The following KCNQ5 variants were observed in gnomAD, a reference collection of about 807,000 sequenced individuals.
KCNQ5 encodes potassium voltage-gated channel subfamily KQT member 5.
A neutral mutation model predicts 98.2 loss-of-function variants in KCNQ5; 30 were observed. That is an observed-to-expected ratio of 0.31 (90% CI 0.23 to 0.41). KCNQ5 has a LOEUF of 0.41. KCNQ5 is among the 10% of genes least tolerant of loss of function. The pLI is 1.00. For synonymous variants in KCNQ5, 458 were observed against 449.4 expected (o/e 1.02, Z -0.24); for missense variants, 835 against 1,182.5 (o/e 0.71, Z 4.31).
Position 73,197,776 on chromosome 6 carries a change from C to A in KCNQ5, c.*2362C>A, listed in dbSNP as rs1261268223. On this transcript the variant is annotated 3_prime_UTR_variant, in exon 14 of 14. Coordinates refer to ENST00000370398, the MANE Select transcript of KCNQ5 (RefSeq NM_019842.4). ...GGACATACTCTGTCCTGGGTCAAAC[C>A]CCACTGGCAGCAGGAATTCTGAATG... 1 of 152,188 alleles carries A rather than the reference C, an allele frequency of 6.6e-6. No homozygotes were observed. Among genetic ancestry groups the A allele is most frequent in the Non-Finnish European group, 1.5e-5 (1 of 68,088 alleles). The allele number at this position is 152,188 out of a possible 1,614,324, so 9.4% of individuals were successfully genotyped here.
intron 10 of KCNQ5, among the ~76,000 whole-genome samples, chr6:73,142,239 G>A (rs1776750063): frequency 6.6e-6 from 1 of 151,928 alleles, no homozygotes; most frequent in South Asian, 2.1e-4. Context: ...TACAGTGTAG[G>A]CAGGGACTAT....
chr6:72,913,837 G>A (rs1390630231), intron 1 of KCNQ5, among the ~76,000 whole-genome samples: 1 of 152,184 alleles, frequency 6.6e-6, no homozygotes, highest in Non-Finnish European at 1.5e-5. Flanking sequence ...GTAAAGTTGT[G>A]TATTTTTATG....
At chr6:72,981,103 A>G (rs1161778756) in intron 1 of KCNQ5, among the ~76,000 whole-genome samples, 1 of 152,034 alleles carries the variant, frequency 6.6e-6, no homozygotes, top group East Asian at 1.9e-4. Context: ...TCCTCGGGAT[A>G]TTGGTCTAAA....
chr6:72,888,185 G>A (rs1159889321), intron 1 of KCNQ5, among the ~76,000 whole-genome samples: 5 of 152,162 alleles, frequency 3.3e-5, no homozygotes, highest in African/African-American at 1.2e-4. Context: ...GATCCCGTCT[G>A]CTAAGAAGTA....
intron 1 of KCNQ5, among the ~76,000 whole-genome samples, chr6:72,819,176 G>T (rs1445685030): frequency 6.6e-6 from 1 of 151,660 alleles, no homozygotes; most frequent in Non-Finnish European, 1.5e-5. Context: ...ATTTGTGTGG[G>T]TACATCGTAG....
intron 1 of KCNQ5, among the ~76,000 whole-genome samples, chr6:72,832,537 G>A (rs1359917437): frequency 6.6e-6 from 1 of 152,138 alleles, no homozygotes; most frequent in Non-Finnish European, 1.5e-5. Context: ...ACAGTGCCAA[G>A]GTTAGAAACA....
At chr6:72,736,502 C>CTTTTTTTT (rs752921476) in intron 1 of KCNQ5, among the ~76,000 whole-genome samples, 4,092 of 120,878 alleles carry the variant, frequency 0.034, 689 homozygotes, top group African/African-American at 0.14. Context: ...AAAAAGATTT[C>CTTTTTTTT]TTTTTTTTTT....
At chr6:72,824,013 T>G (rs552981248) in intron 1 of KCNQ5, among the ~76,000 whole-genome samples, 15 of 152,200 alleles carry the variant, frequency 9.9e-5, no homozygotes, top group Admixed American at 2.6e-4. Context: ...CCAAACTGTT[T>G]CTATTAATAT....
intron 11 of KCNQ5, among the ~76,000 whole-genome samples, chr6:73,179,291 T>C (rs1471166869): frequency 6.6e-6 from 1 of 152,166 alleles, no homozygotes; most frequent in Non-Finnish European, 1.5e-5. Context: ...GGACTCTCTG[T>C]GGCACCCTGA....
chr6:73,033,774 G>A lies in KCNQ5; in HGVS notation c.490-8162G>A, dbSNP rs186581522. ...CTACTAGCCAACTTAGTGAAGTTCT[G>A]TCACGCTCTCACAACCACCTCTGTG... On this transcript the variant is annotated intron_variant, in intron 2 of 13. Transcript: ENST00000370398. Among the ~76,000 whole-genome samples the A allele has an allele frequency of 2.2e-3, 313 of 144,514 alleles. 1 individual carries two copies. The highest frequency in any genetic ancestry group is 7.7e-3 in the African/African-American group (296 of 38,320). 94.8% of individuals were successfully genotyped at this position (144,514 alleles called of 152,430 possible).
At chr6:73,076,484 ATTAAG>A (rs1303398983) in intron 3 of KCNQ5, among the ~76,000 whole-genome samples, 2 of 152,188 alleles carry the variant, frequency 1.3e-5, no homozygotes, top group African/African-American at 4.8e-5. Flanking sequence ...TTATGGAGTG[ATTAAG>A]TTTTCTTTTA....
intron 1 of KCNQ5, among the ~76,000 whole-genome samples, chr6:72,703,687 T>G (rs926330457): frequency 2.6e-5 from 4 of 152,246 alleles, no homozygotes; most frequent in Non-Finnish European, 5.9e-5. Flanking sequence ...TATTTTTAAG[T>G]ATTCCTTCAT....
intron 1 of KCNQ5, among the ~76,000 whole-genome samples, chr6:72,824,436 T>C (rs1180067058): frequency 2.0e-5 from 3 of 152,208 alleles, no homozygotes; most frequent in Admixed American, 6.5e-5. Flanking sequence ...TTTTAAGAAC[T>C]GATGCTCATC....
chr6:72,755,928 C>T (rs1771946381), intron 1 of KCNQ5, among the ~76,000 whole-genome samples: 1 of 152,122 alleles, frequency 6.6e-6, no homozygotes, highest in African/African-American at 2.4e-5. Context: ...AGCAGGCAGT[C>T]ACCTCCTGCA....
intron 1 of KCNQ5, among the ~76,000 whole-genome samples, chr6:72,879,985 T>C (rs561914173): frequency 3.6e-4 from 55 of 152,318 alleles, no homozygotes; most frequent in Middle Eastern, 3.4e-3. Flanking sequence ...TAACATCTGG[T>C]AGAACAACTC....
At chr6:72,792,951 T>C (rs909774333) in intron 1 of KCNQ5, among the ~76,000 whole-genome samples, 1 of 152,166 alleles carries the variant, frequency 6.6e-6, no homozygotes, top group Non-Finnish European at 1.5e-5. Context: ...TTCTAAAAAG[T>C]CTCCATGGGA....
At chr6:72,746,630 T>C (rs1771422172) in intron 1 of KCNQ5, among the ~76,000 whole-genome samples, 1 of 152,214 alleles carries the variant, frequency 6.6e-6, no homozygotes, top group Non-Finnish European at 1.5e-5. Flanking sequence ...TGGATATATT[T>C]AGCTGAATGC....
rs76728128 is a variant in KCNQ5 at position 72,644,401 on chromosome 6, T to C, written c.398+21814T>C. On this transcript the variant is annotated intron_variant, in intron 1 of 13. Coordinates refer to ENST00000370398, the MANE Select transcript of KCNQ5 (RefSeq NM_019842.4). The stretch of plus-strand genomic sequence containing the variant: ...ACAGCCTTCCTGTGCTTAGGAATGC[T>C]AGATCACCCTTCAGTCTGGTTCAGT... 0.01 allele frequency among the ~76,000 whole-genome samples: 1,561 copies of C among 152,288 alleles called. 55 individuals carry two copies. In the East Asian group the frequency reaches 0.13, roughly 13 times the overall value.
chr6:72,727,703 G>T (rs1048923226), intron 1 of KCNQ5, among the ~76,000 whole-genome samples: 3 of 152,150 alleles, frequency 2.0e-5, no homozygotes, highest in Non-Finnish European at 4.4e-5. Context: ...AACCTGAGGG[G>T]TATTCAGGAA....
Sources: allele counts gnomAD v4.1 joint callset (sites outside exome capture counted in the v4.1 genomes callset), GRCh38; gene constraint gnomAD v4.1.1; transcripts MANE v1.5; gene names NCBI Gene and HGNC (gene_info 2026-07-23, HGNC 2026-07-21).